Variants in PRR16 observed in about 807,000 individuals in gnomAD.
PRR16 encodes protein Largen.
Under a neutral mutation model 18.2 loss-of-function variants are expected in PRR16, and 6 were observed. The observed-to-expected ratio is 0.33, with a 90% confidence interval of 0.18 to 0.65. PRR16 has a LOEUF of 0.65. Among genes scored for constraint, PRR16 ranks in the 30% least tolerant of loss-of-function variants. The pLI, the probability that PRR16 is intolerant of heterozygous loss-of-function variation, is 0.74. For synonymous variants in PRR16, 151 were observed against 147.8 expected, an observed-to-expected ratio of 1.02 and a Z score of -0.16; for missense variants, 412 against 376.6, an observed-to-expected ratio of 1.09 and a Z score of -0.78.
At chr5:120,664,960 G>T (rs2150141237) in intron 1 of PRR16, among the ~76,000 whole-genome samples, 2 of 152,024 alleles carry the variant, frequency 1.3e-5, no homozygotes, top group Middle Eastern at 3.4e-3. Flanking sequence ...ATAGTCCTTT[G>T]GGTATATACC....
intron 1 of PRR16, among the ~76,000 whole-genome samples, chr5:120,620,240 G>A (rs1408954884): frequency 2.0e-5 from 3 of 152,204 alleles, no homozygotes; most frequent in South Asian, 2.1e-4. Flanking sequence ...TATTTATCAC[G>A]AAGAGTGACC....
chr5:120,553,235 A>T (rs1243832879), intron 1 of PRR16, among the ~76,000 whole-genome samples: 5 of 151,888 alleles, frequency 3.3e-5, no homozygotes, highest in African/African-American at 1.2e-4. Context: ...ACTACTAAAA[A>T]ATAAATTAAG....
Position 120,674,323 on chromosome 5 carries a change from G to C in PRR16, c.160-11631G>C, listed in dbSNP as rs550502382. 2.3e-3 allele frequency among the ~76,000 whole-genome samples: 349 copies of C among 152,004 alleles called. 1 individual carries two copies. Among genetic ancestry groups the C allele is most frequent in the African/African-American group, 7.9e-3 (328 of 41,464 alleles). ...GGATCCTATGCATCTCTTCTTTCTC[G>C]GATTCCATTTTTATTGTGCCAGAAT... is the stretch of plus-strand genomic sequence containing the variant. On this transcript the variant is annotated intron_variant, in intron 1 of 1. Transcript: ENST00000407149.
rs116421678 is a variant in PRR16, at chr5:120,546,654, A to G, written c.159+82009A>G. On this transcript the variant is annotated intron_variant, in intron 1 of 1. Transcript: ENST00000407149. ...AAAGCACACAGTGTGAAGATGAACA[A>G]GGATTCAGCTAGAGATTTTTTTTTC... 7.7e-3 allele frequency among the ~76,000 whole-genome samples: 1,172 copies of G among 152,276 alleles called. 20 individuals are homozygous for G. Among genetic ancestry groups the G allele is most frequent in the African/African-American group, 0.027 (1,120 of 41,580 alleles).
chr5:120,614,957 T>C (rs532928732), intron 1 of PRR16, among the ~76,000 whole-genome samples: 1 of 152,272 alleles, frequency 6.6e-6, no homozygotes, highest in East Asian at 1.9e-4. Context: ...CCCAAGTTCT[T>C]GGTTCAGAAT....
At chr5:120,777,327 AC>A in the PRR16 span, among the ~76,000 whole-genome samples, 2 of 152,112 alleles carry the variant, frequency 1.3e-5, no homozygotes, top group Non-Finnish European at 2.9e-5. Flanking sequence ...TACGCTTATT[AC>A]TTAACTTTTT....
intron 1 of PRR16, among the ~76,000 whole-genome samples, chr5:120,554,220 C>G (rs138447415): frequency 1.9e-4 from 29 of 151,948 alleles, no homozygotes; most frequent in African/African-American, 7.0e-4. Flanking sequence ...CCAATATACT[C>G]TGTGCTTTCT....
chr5:120,569,148 G>A (rs116741169), intron 1 of PRR16, among the ~76,000 whole-genome samples: 2 of 151,988 alleles, frequency 1.3e-5, no homozygotes, highest in South Asian at 4.2e-4. Context: ...CATTTTGTCA[G>A]ATGTGCCAAG....
In PRR16 at chr5:120,520,268, G is replaced by A. The variant is rs571316238; in HGVS notation, c.159+55623G>A. Reference sequence around the variant, plus strand: ...AAATTAGCCAGGCATGGTGGCAGGCGCCTGTAATCCCAGCTACTCAGGAGG... The same window carrying A: ...AAATTAGCCAGGCATGGTGGCAGGCACCTGTAATCCCAGCTACTCAGGAGG... On this transcript the variant is annotated intron_variant, in intron 1 of 1. Coordinates refer to ENST00000407149, the MANE Select transcript of PRR16 (RefSeq NM_001300783.2). Among the ~76,000 whole-genome samples the A allele has an allele frequency of 3.3e-5, 5 of 152,122 alleles. 1 individual carries two copies. The highest frequency in any genetic ancestry group is 7.2e-5 in the African/African-American group (3 of 41,500).
At chr5:120,624,042 A>C (rs369831606) in intron 1 of PRR16, among the ~76,000 whole-genome samples, 2 of 152,182 alleles carry the variant, frequency 1.3e-5, no homozygotes, top group East Asian at 1.9e-4. Context: ...ATGCATCACT[A>C]TCTTCCCAAG....
chr5:120,687,599 T>C (rs1757161262), downstream of PRR16, among the ~76,000 whole-genome samples: 1 of 152,216 alleles, frequency 6.6e-6, no homozygotes, highest in East Asian at 1.9e-4. Context: ...ACATTGAGGC[T>C]GTAGGGTGTT....
chr5:120,618,259 G>C (rs189036326), intron 1 of PRR16, among the ~76,000 whole-genome samples: 1 of 152,106 alleles, frequency 6.6e-6, no homozygotes, highest in East Asian at 1.9e-4. Flanking sequence ...TCTTTAATCA[G>C]TTGCATTCTT....
chr5:120,570,128 A>G (rs1374457053), intron 1 of PRR16, among the ~76,000 whole-genome samples: 1 of 152,108 alleles, frequency 6.6e-6, no homozygotes. Flanking sequence ...AAGAGATGAG[A>G]GCATGTGGTT....
At chr5:120,555,801 G>GT (rs201939623) in intron 1 of PRR16, among the ~76,000 whole-genome samples, 2,010 of 125,208 alleles carry the variant, frequency 0.016, 19 homozygotes, top group Non-Finnish European at 0.022. Flanking sequence ...ACCTAGAAAG[G>GT]TTTTTTTTTT....
intron 1 of PRR16, among the ~76,000 whole-genome samples, chr5:120,496,134 A>G (rs1190218439): frequency 6.6e-6 from 1 of 152,182 alleles, no homozygotes; most frequent in South Asian, 2.1e-4. Context: ...CCTTGATTAA[A>G]TGCTACTTGA....
At chr5:120,780,261 T>C in the PRR16 span, among the ~76,000 whole-genome samples, 1 of 152,200 alleles carries the variant, frequency 6.6e-6, no homozygotes, top group African/African-American at 2.4e-5. Context: ...AAAAGTTCAA[T>C]GTTAGCCTAT....
chr5:120,637,398 AG>A (rs2112850382), intron 1 of PRR16, among the ~76,000 whole-genome samples: 1 of 151,364 alleles, frequency 6.6e-6, no homozygotes, highest in South Asian at 2.1e-4. Flanking sequence ...ATATGGAACC[AG>A]CCCAAATTCC....
At chr5:120,671,767 A>C (rs1215162451) in intron 1 of PRR16, among the ~76,000 whole-genome samples, 1 of 152,158 alleles carries the variant, frequency 6.6e-6, no homozygotes, top group African/African-American at 2.4e-5. Flanking sequence ...TATCACGTGA[A>C]TCTTCTCTCT....
At chr5:120,534,535 A>G (rs1751653533) in intron 1 of PRR16, among the ~76,000 whole-genome samples, 1 of 152,134 alleles carries the variant, frequency 6.6e-6, no homozygotes, top group Non-Finnish European at 1.5e-5. Context: ...TATAGATGGA[A>G]TGTATCTTTT....
Sources: gnomAD v4.1 joint callset for allele counts (sites outside exome capture counted in the v4.1 genomes callset) on GRCh38, gnomAD v4.1.1 for gene constraint, MANE v1.5 for transcripts, NCBI Gene and HGNC (gene_info 2026-07-23, HGNC 2026-07-21) for gene names.